The following NTM variants were observed in gnomAD, a reference collection of about 807,000 sequenced individuals.
The protein encoded by NTM is IgLON family member 2.
In NTM, 13 loss-of-function variants were observed where a neutral mutation model predicts 42.1. The ratio of observed to expected loss-of-function variants is 0.31; its 90% confidence interval spans 0.20 to 0.49. The LOEUF is 0.49. Among genes scored for constraint, NTM ranks in the 20% least tolerant of loss-of-function variants. NTM has a pLI of 0.99. For missense variants in NTM, 373 were observed against 452.8 expected (o/e 0.82, Z 1.60); for synonymous variants, 187 against 179.2 (o/e 1.04, Z -0.35).
At chr11:131,407,834 G>GGTAA (rs1284973211) in intron 1 of NTM, among the ~76,000 whole-genome samples, 3 of 152,188 alleles carry the variant, frequency 2.0e-5, no homozygotes, top group African/African-American at 7.2e-5. Context: ...CTTTCTCTGA[G>GGTAA]CAAATATGCC....
chr11:131,615,966 G>A (rs950673573), intron 1 of NTM, among the ~76,000 whole-genome samples: 1 of 152,224 alleles, frequency 6.6e-6, no homozygotes, highest in Non-Finnish European at 1.5e-5. Flanking sequence ...CCGAATGTAA[G>A]AAGCAAGGCT....
At chr11:131,811,145 A>G (rs1336943628) in intron 1 of NTM, among the ~76,000 whole-genome samples, 2 of 152,208 alleles carry the variant, frequency 1.3e-5, no homozygotes, top group East Asian at 3.9e-4. Flanking sequence ...CCCATTGTAT[A>G]TAGAGATCTA....
chr11:131,660,120 C>T (rs2067777206), intron 1 of NTM: 1 of 185,562 alleles, frequency 5.4e-6, no homozygotes, highest in South Asian at 1.2e-4. Context: ...CAGGGAGCCT[C>T]TGCGGCCAGG....
intron 1 of NTM, among the ~76,000 whole-genome samples, chr11:131,799,826 A>G (rs2091950979): frequency 6.6e-6 from 1 of 152,180 alleles, no homozygotes; most frequent in Admixed American, 6.5e-5. Flanking sequence ...GCAGTTAACT[A>G]TGGCAGCAGC....
At position 131,371,718 on chromosome 11, in the gene NTM, C is replaced by G. The variant is rs371177691; in HGVS notation, c.82+830C>G. ...TGCTGCACCGTGCCTCCCCACACCC[C>G]ATCCCGGCTCTCACGTCTGTTCGTT... On this transcript the variant is annotated intron_variant, in intron 1 of 8. Coordinates refer to ENST00000683400, the MANE Select transcript of NTM (RefSeq NM_001352005.2). Among the ~76,000 whole-genome samples the G allele has an allele frequency of 4.6e-5, 7 of 152,290 alleles. No individual in the cohort carries two copies. In the South Asian group the frequency reaches 8.3e-4, roughly 18 times the overall value.
intron 1 of NTM, among the ~76,000 whole-genome samples, chr11:131,485,164 C>G (rs1312146825): frequency 6.6e-6 from 1 of 152,246 alleles, no homozygotes; most frequent in Non-Finnish European, 1.5e-5. Context: ...AGAGATGCAT[C>G]TGACTCACAA....
chr11:132,017,012 G>T (rs2073530619), intron 2 of NTM, among the ~76,000 whole-genome samples: 1 of 151,834 alleles, frequency 6.6e-6, no homozygotes, highest in South Asian at 2.1e-4. Context: ...TATGTTGTAA[G>T]AATTTTTATA....
At chr11:131,770,049 G>A (rs1045285266) in intron 1 of NTM, among the ~76,000 whole-genome samples, 1 of 152,204 alleles carries the variant, frequency 6.6e-6, no homozygotes, top group South Asian at 2.1e-4. Flanking sequence ...AGGGAGAAGA[G>A]GGCCAGTGTA....
At chr11:132,120,606 TA>T (rs1276005761) in intron 2 of NTM, among the ~76,000 whole-genome samples, 1 of 152,208 alleles carries the variant, frequency 6.6e-6, no homozygotes, top group Admixed American at 6.5e-5. Context: ...CCACATTGGA[TA>T]AATCATCTAT....
intron 2 of NTM, among the ~76,000 whole-genome samples, chr11:132,033,075 C>G (rs1039711513): frequency 1.3e-5 from 2 of 152,186 alleles, no homozygotes; most frequent in Non-Finnish European, 2.9e-5. Flanking sequence ...AGCTTTACCT[C>G]TGGGATTCAT....
intron 4 of NTM, among the ~76,000 whole-genome samples, chr11:132,296,522 C>T (rs2094616341): frequency 6.6e-6 from 1 of 152,040 alleles, no homozygotes; most frequent in Non-Finnish European, 1.5e-5. Flanking sequence ...AATAAACAGC[C>T]ACATTTTACT....
intron 1 of NTM, among the ~76,000 whole-genome samples, chr11:131,671,242 C>T (rs899869424): frequency 1.3e-5 from 2 of 152,182 alleles, no homozygotes; most frequent in African/African-American, 4.8e-5. Context: ...ATTCCTATCT[C>T]CCCCAGGCAG....
chr11:131,857,396 C>T (rs969897409), intron 1 of NTM, among the ~76,000 whole-genome samples: 1 of 152,150 alleles, frequency 6.6e-6, no homozygotes, highest in African/African-American at 2.4e-5. Context: ...CCTATCAGCC[C>T]ATCTCAGTTC....
chr11:131,544,996 C>T (rs1035106231), intron 1 of NTM, among the ~76,000 whole-genome samples: 2 of 152,122 alleles, frequency 1.3e-5, no homozygotes, highest in Admixed American at 1.3e-4. Flanking sequence ...CTTGTTAATC[C>T]CATCCTTCTT....
In NTM at chr11:131,461,809, A is replaced by G. The variant is rs114955789; in HGVS notation, c.82+90921A>G. Among the ~76,000 whole-genome samples, 678 of 152,342 alleles carry G rather than the reference A, an allele frequency of 4.5e-3. 5 individuals are homozygous for G. The highest frequency in any genetic ancestry group is 0.015 in the African/African-American group (635 of 41,574). On this transcript the variant is annotated intron_variant, in intron 1 of 8. Coordinates refer to ENST00000683400, the MANE Select transcript of NTM (RefSeq NM_001352005.2). ...AAATGTCACATTGTACACTTTGAATATATATAATTTTTCTTTGTCAATTAT... is the reference window on the plus strand; with the variant it reads ...AAATGTCACATTGTACACTTTGAATGTATATAATTTTTCTTTGTCAATTAT...
chr11:131,970,525 AG>A (rs1183638003), intron 2 of NTM, among the ~76,000 whole-genome samples: 1 of 152,204 alleles, frequency 6.6e-6, no homozygotes, highest in Non-Finnish European at 1.5e-5. Flanking sequence ...ATTCCTTCCT[AG>A]GACCTGCAGA....
chr11:132,181,237 C>A lies in NTM; in HGVS notation c.401-30785C>A, dbSNP rs2077532205. Among the ~76,000 whole-genome samples the A allele has an allele frequency of 1.3e-5, 2 of 152,178 alleles. 1 individual carries two copies. The highest frequency in any genetic ancestry group is 4.1e-4 in the South Asian group (2 of 4,824). On this transcript the variant is annotated intron_variant, in intron 3 of 8. Transcript: ENST00000683400. ...GTTTCTTTTCTTTATCCACCTTAAT[C>A]CTTCTCATGAGTCATACCTGTTGGC...
intron 1 of NTM, among the ~76,000 whole-genome samples, chr11:131,643,135 G>A (rs1008720338): frequency 2.0e-5 from 3 of 151,736 alleles, no homozygotes; most frequent in Non-Finnish European, 4.4e-5. Flanking sequence ...TATTACAGAA[G>A]CATCCGAGCC....
At chr11:131,530,380 A>G (rs936891846) in intron 1 of NTM, among the ~76,000 whole-genome samples, 1 of 151,216 alleles carries the variant, frequency 6.6e-6, no homozygotes, top group Non-Finnish European at 1.5e-5. Context: ...AGAAAAAAGA[A>G]TGAATTTACT....
Sources: allele counts gnomAD v4.1 joint callset (sites outside exome capture counted in the v4.1 genomes callset), GRCh38; gene constraint gnomAD v4.1.1; transcripts MANE v1.5; gene names NCBI Gene and HGNC (gene_info 2026-07-23, HGNC 2026-07-21).